ANGPT4: variants seen among roughly 807,000 people sequenced by gnomAD.
The protein encoded by ANGPT4 is angiopoietin 4.
ANGPT4 carries 50 observed loss-of-function variants against 53.0 expected under a neutral mutation model. The observed-to-expected ratio is 0.94, with a 90% CI of 0.75 to 1.20. The LOEUF is 1.20. ANGPT4 is among the 50% of genes most tolerant of loss of function. The pLI is 0.00. For synonymous variants in ANGPT4, 251 were observed against 259.7 expected (o/e 0.97, Z 0.32); for missense variants, 648 against 637.1 (o/e 1.02, Z -0.18).
chr20:906,628 G>C (rs1229248682), intron 1 of ANGPT4, among the ~76,000 whole-genome samples: 1 of 152,106 alleles, frequency 6.6e-6, no homozygotes, highest in Non-Finnish European at 1.5e-5. Flanking sequence ...TCCTCATTTT[G>C]ACAATGGGCT....
Position 879,822 on chromosome 20 carries a change from T to G in ANGPT4, c.978A>C (p.Gly326=). Residue 326 remains glycine, a synonymous_variant, in exon 6 of 9, where the codon GGA becomes GGC. Transcript: ENST00000381922. ...RKVFCDLQSS[G]GRWTLIQRRE... is the part of the protein sequence containing the mutation. ...GGCGCTGGATGAGGGTCCACCTGCC[T>G]CCACTGCTCTGCAGGTCACAGAACA... is the stretch of plus-strand genomic sequence containing the variant. 1 of 1,613,384 alleles carries G rather than the reference T, an allele frequency of 6.2e-7. No homozygotes were observed. Among genetic ancestry groups the G allele is most frequent in the Non-Finnish European group, 8.5e-7 (1 of 1,179,658 alleles).
chr20:894,792 A>G (rs572374064), intron 1 of ANGPT4, among the ~76,000 whole-genome samples: 1 of 152,302 alleles, frequency 6.6e-6, no homozygotes, highest in African/African-American at 2.4e-5. Context: ...GTCTTGCCCA[A>G]GGTCACCATC....
chr20:913,017 G>T (rs1982765734), intron 1 of ANGPT4, among the ~76,000 whole-genome samples: 1 of 152,104 alleles, frequency 6.6e-6, no homozygotes, highest in Non-Finnish European at 1.5e-5. Context: ...GGAGTTGGGG[G>T]CACAGGCTGA....
chr20:894,817 C>G (rs564337712), intron 1 of ANGPT4, among the ~76,000 whole-genome samples: 1 of 152,324 alleles, frequency 6.6e-6, no homozygotes, highest in Admixed American at 6.5e-5. Flanking sequence ...AGGCTAGGCT[C>G]TAAGACTCCT....
intron 1 of ANGPT4, among the ~76,000 whole-genome samples, chr20:896,677 G>A (rs1982065782): frequency 6.6e-6 from 1 of 152,224 alleles, no homozygotes; most frequent in Admixed American, 6.5e-5. Context: ...ATGAAGCTGT[G>A]TGTGAATCAC....
At chr20:878,572 G>A (rs1438857366) in intron 6 of ANGPT4, among the ~76,000 whole-genome samples, 1 of 152,234 alleles carries the variant, frequency 6.6e-6, no homozygotes, top group Non-Finnish European at 1.5e-5. Context: ...TTCCTCTGAA[G>A]TTCAAGAACA....
intron 1 of ANGPT4, among the ~76,000 whole-genome samples, chr20:902,130 A>G (rs544100017): frequency 7.2e-5 from 11 of 152,186 alleles, no homozygotes; most frequent in East Asian, 1.9e-4. Context: ...GCTTCAGGGG[A>G]GGGGGTTTCA....
In ANGPT4 at chr20:900,159, A is replaced by G. The variant is rs1222965829; in HGVS notation, c.310-9791T>C. 1.3e-5 allele frequency among the ~76,000 whole-genome samples: 2 copies of G among 152,052 alleles called. 1 individual carries two copies. Among genetic ancestry groups the G allele is most frequent in the Non-Finnish European group, 2.9e-5 (2 of 68,006 alleles). On this transcript the variant is annotated intron_variant, in intron 1 of 8. Coordinates refer to ENST00000381922, the MANE Select transcript of ANGPT4 (RefSeq NM_015985.4). The stretch of plus-strand genomic sequence containing the variant: ...ATTTCCTTTAAGACATTTACCTTGT[A>G]TTTCACTCCATCCTTGGCTACCTTC...
intron 6 of ANGPT4, among the ~76,000 whole-genome samples, chr20:879,025 T>C (rs1328561848): frequency 2.0e-5 from 3 of 152,236 alleles, no homozygotes; most frequent in South Asian, 2.1e-4. Context: ...CAGGGTTCTT[T>C]TGTGTATTTC....
chr20:909,085 C>G (rs932898809), intron 1 of ANGPT4, among the ~76,000 whole-genome samples: 1 of 152,120 alleles, frequency 6.6e-6, no homozygotes, highest in Non-Finnish European at 1.5e-5. Flanking sequence ...TGCCCGGGTA[C>G]GAACTCACCT....
At chr20:888,869 CA>C (rs1981722988) in intron 2 of ANGPT4, among the ~76,000 whole-genome samples, 1 of 152,202 alleles carries the variant, frequency 6.6e-6, no homozygotes, top group Admixed American at 6.5e-5. Flanking sequence ...TTGCTCTGTT[CA>C]AAAGCTTCCT....
chr20:876,391 A>G (rs1981173047), intron 7 of ANGPT4, among the ~76,000 whole-genome samples: 1 of 152,116 alleles, frequency 6.6e-6, no homozygotes. Flanking sequence ...AAGACTTGGG[A>G]GGCTCCCTCA....
chr20:890,253 G>A lies in ANGPT4; in HGVS notation c.425C>T (p.Thr142Ile), dbSNP rs1334571042. 1 of 1,614,012 alleles carries A rather than the reference G, an allele frequency of 6.2e-7. No homozygotes were observed. Residue 142 changes from threonine to isoleucine, a missense_variant, in exon 2 of 9, where the codon ACC becomes ATC. By Grantham distance (89) the Thr-to-Ile change is moderately conservative. Transcript: ENST00000381922. Reference protein sequence around the residue: ...LELGTSLLNQTTAQIRKLTDM... With the variant: ...LELGTSLLNQITAQIRKLTDM... ...GGTCAGCTTGCGGATCTGGGCAGTG[G>A]TCTGGTTCAGGAGGCTGGTGCCCAG...
At chr20:901,103 A>G (rs1449128776) in intron 1 of ANGPT4, among the ~76,000 whole-genome samples, 2 of 152,066 alleles carry the variant, frequency 1.3e-5, no homozygotes, top group Non-Finnish European at 2.9e-5. Flanking sequence ...AACATCACCC[A>G]TTATCTCTCC....
intron 1 of ANGPT4, among the ~76,000 whole-genome samples, chr20:915,382 G>A (rs558437209): frequency 6.6e-6 from 1 of 152,228 alleles, no homozygotes; most frequent in Admixed American, 6.5e-5. Context: ...CAAAATACAT[G>A]CAGCTCCCTT....
At chr20:873,975 G>A (rs58360957) in intron 8 of ANGPT4, among the ~76,000 whole-genome samples, 388 of 152,264 alleles carry the variant, frequency 2.5e-3, no homozygotes, top group African/African-American at 9.0e-3. Flanking sequence ...GCTTGCCTGG[G>A]GTTGGGACTG....
intron 5 of ANGPT4, among the ~76,000 whole-genome samples, chr20:880,734 G>A (rs1232857539): frequency 6.6e-6 from 1 of 152,062 alleles, no homozygotes; most frequent in Non-Finnish European, 1.5e-5. Context: ...GACAACCTTG[G>A]GAGCCACTGA....
chr20:913,834 C>A (rs999022267), intron 1 of ANGPT4, among the ~76,000 whole-genome samples: 2 of 152,196 alleles, frequency 1.3e-5, no homozygotes, highest in African/African-American at 2.4e-5. Flanking sequence ...CCACAGGAAG[C>A]CCCCAGGGCA....
chr20:885,248 T>C lies in ANGPT4; in HGVS notation c.665A>G (p.Lys222Arg), dbSNP rs1260563812. ...ELASILSKKA[K>R]LLNTLSRQSA... The stretch of plus-strand genomic sequence containing the variant: ...CTGGCGGCTCAGCGTGTTCAGCAGC[T>C]TCGCCTTCTTGCTGAGGATGCTGGC... Residue 222 changes from lysine to arginine, a missense_variant, in exon 4 of 9, where the codon AAG becomes AGG. By Grantham distance (26) the Lys-to-Arg change is conservative. Coordinates refer to ENST00000381922, the MANE Select transcript of ANGPT4 (RefSeq NM_015985.4). The C allele has an allele frequency of 6.3e-7, 1 of 1,583,506 alleles. No homozygotes were observed. The highest frequency in any genetic ancestry group is 1.8e-5 in the Admixed American group (1 of 56,372).
Sources: allele counts gnomAD v4.1 joint callset (sites outside exome capture counted in the v4.1 genomes callset), GRCh38; gene constraint gnomAD v4.1.1; transcripts MANE v1.5; gene names NCBI Gene and HGNC (gene_info 2026-07-23, HGNC 2026-07-21).